Variants in AGAP1 observed in about 807,000 individuals in gnomAD.
The protein encoded by AGAP1 is ArfGAP with GTPase domain, ankyrin repeat and PH domain 1.
In AGAP1, 29 loss-of-function variants were observed where a neutral mutation model predicts 105.3. The ratio of observed to expected loss-of-function variants is 0.28; its 90% CI spans 0.21 to 0.38. The LOEUF is 0.38. Among genes scored for constraint, AGAP1 ranks in the 10% least tolerant of loss-of-function variants. The pLI is 1.00. For synonymous variants in AGAP1, 509 were observed against 485.9 expected (o/e 1.05, Z -0.63); for missense variants, 998 against 1,165.1 (o/e 0.86, Z 2.09).
At chr2:236,033,033 G>A (rs1356648945) in intron 13 of AGAP1, among the ~76,000 whole-genome samples, 1 of 152,124 alleles carries the variant, frequency 6.6e-6, no homozygotes, top group African/African-American at 2.4e-5. Context: ...ATCACCTGAG[G>A]TCAGGAGTTC....
chr2:235,669,901 C>T (rs1458082760), intron 1 of AGAP1: 1 of 147,980 alleles, frequency 6.8e-6, no homozygotes, highest in African/African-American at 2.4e-5. Context: ...GCGCCCCGGG[C>T]CCGGACCCCG....
intron 1 of AGAP1, among the ~76,000 whole-genome samples, chr2:235,528,006 G>T (rs556422418): frequency 3.3e-5 from 5 of 152,232 alleles, no homozygotes; most frequent in Middle Eastern, 3.4e-3. Flanking sequence ...CATGTAAGTC[G>T]CTTCTCAGTT....
At chr2:236,074,232 C>T (rs1235205430) in intron 16 of AGAP1, among the ~76,000 whole-genome samples, 1 of 152,090 alleles carries the variant, frequency 6.6e-6, no homozygotes, top group African/African-American at 2.4e-5. Context: ...CTTCTCCTAA[C>T]ATCAGTACCC....
chr2:236,127,524 C>T lies in AGAP1; in HGVS notation c.*3402C>T, dbSNP rs1330742883. On this transcript the variant is annotated 3_prime_UTR_variant, in exon 18 of 18. Transcript: ENST00000304032. The surrounding 1 kb of genome is among the most constrained non-coding windows in gnomAD (Gnocchi z 6.6). Reference sequence around the variant, plus strand: ...GGATCTTAATGAATTGCATTTCCTGCAGAGCCTCTAGTGCACAGGCCAGTT... The same window carrying T: ...GGATCTTAATGAATTGCATTTCCTGTAGAGCCTCTAGTGCACAGGCCAGTT... 7 of 152,186 alleles carry T rather than the reference C, an allele frequency of 4.6e-5. No homozygotes were observed. Among genetic ancestry groups the T allele is most frequent in the African/African-American group, 1.4e-4 (6 of 41,436 alleles). The allele number at this position is 152,186 out of a possible 1,614,324, so 9.4% of individuals were successfully genotyped here.
chr2:235,923,164 C>T lies in AGAP1; in HGVS notation c.1325-7601C>T, dbSNP rs79283219. 5.0e-3 allele frequency among the ~76,000 whole-genome samples: 760 copies of T among 152,196 alleles called. 5 individuals are homozygous for T. Among genetic ancestry groups the T allele is most frequent in the African/African-American group, 0.017 (717 of 41,526 alleles). The stretch of plus-strand genomic sequence containing the variant: ...TCGTCAGTCATGTATTTCATGGTAA[C>T]GCAAATAATATTTGGGGGACGATGC... On this transcript the variant is annotated intron_variant, in intron 11 of 17. Coordinates refer to ENST00000304032, the MANE Select transcript of AGAP1 (RefSeq NM_001037131.3).
chr2:235,670,091 G>T (rs1423360228), intron 1 of AGAP1: 4 of 445,316 alleles, frequency 9.0e-6, no homozygotes, highest in African/African-American at 6.2e-5. Flanking sequence ...GCCCCAGCGC[G>T]CGGGCGACAT....
rs1293390822 is a variant in AGAP1, at chr2:235,960,878, C to T, written c.1484-7584C>T. On this transcript the variant is annotated intron_variant, in intron 12 of 17. Coordinates refer to ENST00000304032, the MANE Select transcript of AGAP1 (RefSeq NM_001037131.3). The surrounding 1 kb of genome is among the most constrained non-coding windows in gnomAD (Gnocchi z 4.9). ...TCCAAATGGTTGGAAACTCATAGGA[C>T]AGTGGTTTGGCACAAAAGCGTGCTT... Among the ~76,000 whole-genome samples the T allele has an allele frequency of 6.6e-6, 1 of 152,154 alleles. No individual in the cohort carries two copies. The highest frequency in any genetic ancestry group is 1.5e-5 in the Non-Finnish European group (1 of 68,040).
chr2:235,894,075 T>C (rs1453457378), intron 10 of AGAP1, among the ~76,000 whole-genome samples: 6 of 152,106 alleles, frequency 3.9e-5, no homozygotes, highest in Admixed American at 2.0e-4. Flanking sequence ...TTTAGAGGCA[T>C]ATGAGGAGAT....
At chr2:235,687,934 C>G (rs1349562844) in intron 1 of AGAP1, among the ~76,000 whole-genome samples, 1 of 124,006 alleles carries the variant, frequency 8.1e-6, no homozygotes, top group African/African-American at 3.0e-5. Context: ...TGGAGTCTCA[C>G]TCTGTCACCC....
chr2:235,794,285 G>C (rs960172618), intron 6 of AGAP1, among the ~76,000 whole-genome samples: 1 of 152,132 alleles, frequency 6.6e-6, no homozygotes, highest in Non-Finnish European at 1.5e-5. Context: ...AGAACACTGA[G>C]CATTACTCTT....
Position 236,040,810 on chromosome 2 carries a change from G to A in AGAP1, c.1860G>A (p.Gly620=). 6.2e-7 allele frequency: 1 copy of A among 1,614,136 alleles called. No homozygotes were observed. The highest frequency in any genetic ancestry group is 8.5e-7 in the Non-Finnish European group (1 of 1,180,042). Residue 620 remains glycine, a synonymous_variant, in exon 15 of 18, where the codon GGG becomes GGA. Transcript: ENST00000304032. This position sits in a 1 kb window ranked among gnomAD's most constrained non-coding sequence, Gnocchi z 5.6. The stretch of plus-strand genomic sequence containing the variant: ...TGCAGTCGATCCGGAACATGCGCGG[G>A]AACTCCCACTGTGTGGACTGCGAGA... ...MALQSIRNMR[G]NSHCVDCETQ...
At chr2:235,676,263 G>C (rs1164280640) in intron 1 of AGAP1, among the ~76,000 whole-genome samples, 1 of 152,212 alleles carries the variant, frequency 6.6e-6, no homozygotes, top group Non-Finnish European at 1.5e-5. Flanking sequence ...AGTCCACTGT[G>C]TAACAATAAC....
At chr2:235,776,683 G>A (rs1955890491) in intron 6 of AGAP1, among the ~76,000 whole-genome samples, 1 of 152,166 alleles carries the variant, frequency 6.6e-6, no homozygotes, top group African/African-American at 2.4e-5. Context: ...AGAGCCTCCT[G>A]TGTTGCAGGT....
At chr2:235,670,161 G>C (rs944207234) in intron 1 of AGAP1, 28 of 584,572 alleles carry the variant, frequency 4.8e-5, no homozygotes, top group African/African-American at 4.5e-4. Flanking sequence ...ATGCCGCGCG[G>C]GACGCCCCCC....
chr2:235,628,108 A>G (rs1946702038), intron 1 of AGAP1, among the ~76,000 whole-genome samples: 1 of 151,908 alleles, frequency 6.6e-6, no homozygotes, highest in Non-Finnish European at 1.5e-5. Context: ...AAGGGGGAGC[A>G]CTAGAGCCCT....
In AGAP1 at chr2:235,879,088, C is replaced by T. The variant is rs1055688207; in HGVS notation, c.1051-4257C>T. Among the ~76,000 whole-genome samples the T allele has an allele frequency of 7.9e-5, 12 of 152,210 alleles. No homozygotes were observed. Among genetic ancestry groups the T allele is most frequent in the Admixed American group, 3.3e-4 (5 of 15,288 alleles). ...CCCAGTGTCCTGGCAGGAGTGAAGA[C>T]GGCAGGAGAGCTGGCCCTGCCACAT... On this transcript the variant is annotated intron_variant, in intron 9 of 17. Coordinates refer to ENST00000304032, the MANE Select transcript of AGAP1 (RefSeq NM_001037131.3). The surrounding 1 kb of genome is among the most constrained non-coding windows in gnomAD (Gnocchi z 5.0).
chr2:235,808,298 T>C (rs879286731), intron 9 of AGAP1, among the ~76,000 whole-genome samples: 1 of 152,196 alleles, frequency 6.6e-6, no homozygotes, highest in Non-Finnish European at 1.5e-5. Context: ...TGCTCTCCTC[T>C]CTCCTGCGGG....
At chr2:235,530,187 T>A (rs913421683) in intron 1 of AGAP1, among the ~76,000 whole-genome samples, 5 of 152,170 alleles carry the variant, frequency 3.3e-5, no homozygotes, top group Non-Finnish European at 5.9e-5. Flanking sequence ...GTTCACGAAC[T>A]GACCAGAGCC....
intron 16 of AGAP1, among the ~76,000 whole-genome samples, chr2:236,102,273 C>A (rs1212529735): frequency 6.6e-6 from 1 of 151,732 alleles, no homozygotes; most frequent in Non-Finnish European, 1.5e-5. Context: ...AAAAATTAGC[C>A]GGGCGTGGTG....
Sources: allele counts gnomAD v4.1 joint callset (sites outside exome capture counted in the v4.1 genomes callset), GRCh38; gene constraint gnomAD v4.1.1; non-coding constraint Gnocchi (gnomAD v3.1); transcripts MANE v1.5; gene names NCBI Gene and HGNC (gene_info 2026-07-23, HGNC 2026-07-21).